The following DMXL1 variants were observed in gnomAD, a reference collection of about 807,000 sequenced individuals.
DMXL1 encodes the protein Dmx like 1.
Under a neutral mutation model 319.2 loss-of-function variants are expected in DMXL1, and 99 were observed. The observed-to-expected ratio is 0.31, with a 90% CI of 0.26 to 0.37. DMXL1 has a LOEUF of 0.37. Among genes scored for constraint, DMXL1 ranks in the 10% least tolerant of loss-of-function variants. The pLI is 1.00. For synonymous variants in DMXL1, 1,385 were observed against 1,235.2 expected, an observed-to-expected ratio of 1.12 and a Z score of -2.54; for missense variants, 3,745 against 3,595.6, an observed-to-expected ratio of 1.04 and a Z score of -1.06.
Position 119,170,495 on chromosome 5 carries a change from A to G in DMXL1, c.5704A>G (p.Lys1902Glu), listed in dbSNP as rs773242472. 5.6e-6 allele frequency: 9 copies of G among 1,613,756 alleles called. No homozygotes were observed. Among genetic ancestry groups the G allele is most frequent in the Non-Finnish European group, 7.6e-6 (9 of 1,179,904 alleles). Residue 1902 changes from lysine to glutamate, a missense_variant, in exon 24 of 44, where the codon AAA (lysine) becomes GAA (glutamate). Lys to Glu is a moderately conservative substitution (Grantham distance 56, BLOSUM62 1). This residue lies in a region of DMXL1 where 1,382 missense variants were observed against 1,269.5 expected (regional missense o/e 1.09). Coordinates refer to ENST00000539542, the MANE Select transcript of DMXL1 (RefSeq NM_001290321.3). The part of the protein sequence containing the change: ...YRASSFLDTS[K>E]DCSPSSPLKL... ...GGCTTCTAGTTTTCTGGATACTAGT[A>G]AAGACTGTTCTCCTTCTTCTCCATT...
chr5:119,075,231 CT>C (rs1370970995), intron 1 of DMXL1, among the ~76,000 whole-genome samples: 6 of 127,702 alleles, frequency 4.7e-5, no homozygotes, highest in South Asian at 5.4e-4. Context: ...CTGTTAGTTT[CT>C]TTTTTTTTCT....
rs202033508 is a variant in DMXL1, at chr5:119,085,333, A to AAAATAAAT, written c.88-12620_88-12613dup. On this transcript the variant is annotated intron_variant, in intron 1 of 43. Coordinates refer to ENST00000539542, the MANE Select transcript of DMXL1 (RefSeq NM_001290321.3). ...GGCAACAGAGTGAGACTTTGTCTCA[A>AAAATAAAT]AAATAAATAAATAAATAAATAAATA... Among the ~76,000 whole-genome samples, 603 of 150,890 alleles carry AAAATAAAT rather than the reference A, an allele frequency of 4.0e-3. 4 individuals are homozygous for AAAATAAAT. The highest frequency in any genetic ancestry group is 6.4e-3 in the Admixed American group (96 of 15,074).
intron 42 of DMXL1, 139 bp from the exon 43 acceptor site, chr5:119,244,220 G>A (rs572600747): frequency 1.2e-5 from 8 of 668,982 alleles, no homozygotes; most frequent in Non-Finnish European, 1.5e-5. Context: ...TGAAATCATT[G>A]GTTTTTATAT....
In DMXL1 at chr5:119,089,583, C is replaced by T. The variant is rs1754232108; in HGVS notation, c.88-8396C>T. On this transcript the variant is annotated intron_variant, in intron 1 of 43. Coordinates refer to ENST00000539542, the MANE Select transcript of DMXL1 (RefSeq NM_001290321.3). ...TTGGCCTCCCAAAGTGCTGGGATTA[C>T]AAGCATCAGTCTTGTGCACAGCGAC... Among the ~76,000 whole-genome samples the T allele has an allele frequency of 2.0e-5, 3 of 149,860 alleles. No homozygotes were observed. In the South Asian group the frequency reaches 6.3e-4, roughly 31 times the overall value.
intron 30 of DMXL1, among the ~76,000 whole-genome samples, chr5:119,195,758 C>T (rs959082797): frequency 3.9e-5 from 6 of 152,024 alleles, no homozygotes; most frequent in Non-Finnish European, 2.9e-5. Context: ...TAAAAAATTA[C>T]TAAAAATTCA....
intron 3 of DMXL1, 63 bp from the exon 4 acceptor site, chr5:119,105,117 G>A (rs1001016101): frequency 1.7e-5 from 18 of 1,039,676 alleles, no homozygotes; most frequent in East Asian, 2.4e-5. Context: ...AAGCATAAAC[G>A]TACACATTTG....
intron 16 of DMXL1, 112 bp from the exon 17 acceptor site, chr5:119,147,137 A>T (rs1768742984): frequency 9.0e-7 from 1 of 1,111,908 alleles, no homozygotes; most frequent in Admixed American, 2.7e-5. Context: ...TCATATTAAT[A>T]TGTTTACTAT....
chr5:119,201,961 T>A (rs908683686), intron 32 of DMXL1, among the ~76,000 whole-genome samples: 1 of 152,166 alleles, frequency 6.6e-6, no homozygotes, highest in Non-Finnish European at 1.5e-5. Context: ...TTCTCTCTTT[T>A]CTTTTTTATT....
chr5:119,228,906 C>T (rs78911747), intron 38 of DMXL1, among the ~76,000 whole-genome samples: 9,648 of 151,782 alleles, frequency 0.064, 676 homozygotes, highest in East Asian at 0.36. Flanking sequence ...GGAAAAAAAC[C>T]TTAGATATTT....
At chr5:119,128,753 T>C (rs1204252717) in intron 9 of DMXL1, among the ~76,000 whole-genome samples, 1 of 152,032 alleles carries the variant, frequency 6.6e-6, no homozygotes, top group Non-Finnish European at 1.5e-5. Flanking sequence ...AAAAATACTC[T>C]AAAAAATAGT....
intron 32 of DMXL1, among the ~76,000 whole-genome samples, chr5:119,200,214 A>G (rs987868845): frequency 2.6e-5 from 4 of 152,214 alleles, no homozygotes; most frequent in South Asian, 2.1e-4. Context: ...TTGGTTTTAC[A>G]TGTAAGTCTT....
chr5:119,129,432 T>TA lies in DMXL1; in HGVS notation c.1315+11dup, dbSNP rs1764311594. 6.3e-7 allele frequency: 1 copy of TA among 1,575,028 alleles called. No individual in the cohort carries two copies. The highest frequency in any genetic ancestry group is 1.4e-5 in the African/African-American group (1 of 72,904). On this transcript the variant is annotated intron_variant, in intron 10 of 43. Coordinates refer to ENST00000539542, the MANE Select transcript of DMXL1 (RefSeq NM_001290321.3). ...TGTAAAATCTGATGAAGGTAAACTT[T>TA]AAGAGGAAAGGAAAATTTAAAGTTT...
Position 119,209,965 on chromosome 5 carries a change from T to C in DMXL1, c.7926+3069T>C, listed in dbSNP as rs1019326805. ...CTTTTCATTCTGTTTACAAGGTGTTTTCATTTTATTTATTTATTTTTTAAG... is the reference window on the plus strand; with the variant it reads ...CTTTTCATTCTGTTTACAAGGTGTTCTCATTTTATTTATTTATTTTTTAAG... On this transcript the variant is annotated intron_variant, in intron 34 of 43. Transcript: ENST00000539542. Among the ~76,000 whole-genome samples the C allele has an allele frequency of 5.3e-5, 8 of 152,318 alleles. No homozygotes were observed. In the South Asian group the frequency reaches 1.2e-3, roughly 24 times the overall value.
At position 119,177,368 on chromosome 5, in the gene DMXL1, C is replaced by T. The variant is rs149050562; in HGVS notation, c.6770C>T (p.Thr2257Met). The change falls in exon 27 of 44, where the codon ACG (threonine) becomes ATG (methionine). Residue 2257 changes from threonine to methionine, a missense_variant. Physicochemically the swap from Thr to Met is moderately conservative, Grantham distance 81 (BLOSUM62 -1). Coordinates refer to ENST00000539542, the MANE Select transcript of DMXL1 (RefSeq NM_001290321.3). ...CGSHNYSSFQ[T>M]NQFTGMVYQT... ...TTTTTTTCTCTTAGTTCATTTCAGA[C>T]GAATCAGTTTACTGGAATGGTATAT... The T allele has an allele frequency of 3.2e-5, 49 of 1,544,972 alleles. No homozygotes were observed. The Middle Eastern group carries it at 6.9e-4, about 22-fold the overall frequency.
In DMXL1 at chr5:119,189,814, C is replaced by T. The variant is rs761154737; in HGVS notation, c.7242C>T (p.Ser2414=). ...TGACCCCTTCCTCGGCACCAGTAAG[C>T]CAGGAGTCACTGGCGGTTAAAGAAA... is the stretch of plus-strand genomic sequence containing the variant. ...APLTPSSAPV[S]QESLAVKEKF... Residue 2414 remains serine (S), a synonymous_variant, in exon 29 of 44, where the codon AGC becomes AGT. Transcript: ENST00000539542. The T allele has an allele frequency of 4.8e-5, 78 of 1,613,966 alleles. 3 individuals are homozygous for T. In the South Asian group the frequency reaches 8.1e-4, roughly 17 times the overall value.
chr5:119,207,722 A>G (rs558513533), intron 34 of DMXL1, among the ~76,000 whole-genome samples: 2 of 152,238 alleles, frequency 1.3e-5, no homozygotes, highest in South Asian at 2.1e-4. Context: ...AGGTTTTGCC[A>G]TGTTGGCCAG....
chr5:119,242,319 G>T (rs114956339), intron 42 of DMXL1, among the ~76,000 whole-genome samples: 1 of 152,096 alleles, frequency 6.6e-6, no homozygotes, highest in Non-Finnish European at 1.5e-5. Flanking sequence ...GCTTTTTGAT[G>T]CATCAACAAT....
chr5:119,113,445 G>A (rs1760120315), intron 5 of DMXL1, among the ~76,000 whole-genome samples: 1 of 152,162 alleles, frequency 6.6e-6, no homozygotes, highest in African/African-American at 2.4e-5. Flanking sequence ...GTTTCATCAT[G>A]TTGGCCAGGC....
chr5:119,119,096 A>G (rs566166382), intron 8 of DMXL1, 92 bp downstream of exon 8: 6 of 788,764 alleles, frequency 7.6e-6, no homozygotes, highest in African/African-American at 1.8e-5. Context: ...AAAAAACTAT[A>G]TCCTAGGAAA....
Sources: gnomAD v4.1 joint callset for allele counts (sites outside exome capture counted in the v4.1 genomes callset) on GRCh38, gnomAD v4.1.1 for gene constraint, gnomAD v4.1.1 regional missense constraint, MANE v1.5 for transcripts, NCBI Gene and HGNC (gene_info 2026-07-23, HGNC 2026-07-21) for gene names.